Variants in SLC35F4 observed in about 807,000 individuals in gnomAD.
The protein encoded by SLC35F4 is solute carrier family 35 member F4.
SLC35F4 carries 24 observed loss-of-function variants against 44.2 expected under a neutral mutation model. The ratio of observed to expected loss-of-function variants is 0.54; its 90% CI spans 0.39 to 0.76. SLC35F4 has a LOEUF of 0.76. SLC35F4 is among the 30% of genes least tolerant of loss of function. The probability of loss-of-function intolerance (pLI) is 0.00; values close to 1 mark genes in which losing one functional copy is unlikely to be tolerated. For synonymous variants in SLC35F4, 238 were observed against 223.6 expected (o/e 1.06, Z -0.57); for missense variants, 562 against 586.1 (o/e 0.96, Z 0.42).
chr14:57,780,051 C>T (rs530360852), intron 1 of SLC35F4, among the ~76,000 whole-genome samples: 1 of 152,130 alleles, frequency 6.6e-6, no homozygotes, highest in East Asian at 1.9e-4. Flanking sequence ...TCTCACTACT[C>T]CTATTCAACA....
intron 1 of SLC35F4, among the ~76,000 whole-genome samples, chr14:57,604,971 C>G (rs886379081): frequency 6.6e-6 from 1 of 152,098 alleles, no homozygotes; most frequent in African/African-American, 2.4e-5. Flanking sequence ...ATGGATCAAA[C>G]AGTTAAATAT....
intron 2 of SLC35F4, 133 bp downstream of exon 2, chr14:57,593,806 G>T: frequency 1.1e-6 from 1 of 934,122 alleles, no homozygotes; most frequent in Non-Finnish European, 1.6e-6. Context: ...TTATCCTCCG[G>T]CTTGATAAAG....
intron 1 of SLC35F4, among the ~76,000 whole-genome samples, chr14:57,881,532 T>C (rs980577194): frequency 1.3e-5 from 2 of 152,206 alleles, no homozygotes; most frequent in African/African-American, 4.8e-5. Context: ...GGGCTCCATT[T>C]TTTAAAATGG....
At chr14:57,640,410 A>G (rs2073175082) in intron 1 of SLC35F4, among the ~76,000 whole-genome samples, 1 of 152,098 alleles carries the variant, frequency 6.6e-6, no homozygotes, top group Admixed American at 6.6e-5. Context: ...AGCCAAGAGA[A>G]CACATGAGGC....
At chr14:57,717,632 T>C (rs1234932345) in intron 1 of SLC35F4, among the ~76,000 whole-genome samples, 3 of 152,182 alleles carry the variant, frequency 2.0e-5, no homozygotes, top group Non-Finnish European at 2.9e-5. Context: ...CGAGACTCCG[T>C]CTCAAAAAAA....
At chr14:57,883,176 C>T (rs567678613) in intron 1 of SLC35F4, among the ~76,000 whole-genome samples, 5 of 152,092 alleles carry the variant, frequency 3.3e-5, no homozygotes, top group Non-Finnish European at 7.4e-5. Context: ...ATAGATGAGG[C>T]CAACCCCCCA....
At chr14:57,688,103 C>G (rs973170188) in intron 1 of SLC35F4, among the ~76,000 whole-genome samples, 1 of 151,898 alleles carries the variant, frequency 6.6e-6, no homozygotes. Flanking sequence ...TGGAGTAAAG[C>G]CCATTCTTTG....
intron 1 of SLC35F4, among the ~76,000 whole-genome samples, chr14:57,826,687 G>A (rs1883801543): frequency 6.6e-6 from 1 of 151,328 alleles, no homozygotes; most frequent in Non-Finnish European, 1.5e-5. Context: ...CTAGTAAGAA[G>A]TGGGTGAAGG....
At chr14:57,830,859 A>C (rs769389416) in intron 1 of SLC35F4, among the ~76,000 whole-genome samples, 3 of 152,204 alleles carry the variant, frequency 2.0e-5, no homozygotes, top group African/African-American at 4.8e-5. Flanking sequence ...GAGCCAATTT[A>C]TCAGAAATTC....
At chr14:57,573,753 T>C (rs934468219) in intron 4 of SLC35F4, among the ~76,000 whole-genome samples, 4 of 152,192 alleles carry the variant, frequency 2.6e-5, no homozygotes, top group Middle Eastern at 6.3e-3. Flanking sequence ...GATTTGGTTT[T>C]GTGTTTAAAT....
At chr14:57,973,191 C>T (rs544487516), downstream of SLC35F4, among the ~76,000 whole-genome samples, 99 of 152,230 alleles carry the variant, frequency 6.5e-4, no homozygotes, top group Non-Finnish European at 1.2e-3. Flanking sequence ...ATTCTCATTA[C>T]CTGTTGTATG....
chr14:57,734,081 A>G (rs1025260249), intron 1 of SLC35F4, among the ~76,000 whole-genome samples: 2 of 152,166 alleles, frequency 1.3e-5, no homozygotes, highest in Non-Finnish European at 2.9e-5. Flanking sequence ...AAGAATCACT[A>G]AAATTGGGGG....
chr14:57,743,804 A>G (rs2076685682), intron 1 of SLC35F4, among the ~76,000 whole-genome samples: 1 of 152,226 alleles, frequency 6.6e-6, no homozygotes, highest in East Asian at 1.9e-4. Context: ...ATCCCTGATG[A>G]ACATCGATGC....
chr14:57,766,880 A>C (rs543160309), intron 1 of SLC35F4, among the ~76,000 whole-genome samples: 89 of 152,334 alleles, frequency 5.8e-4, no homozygotes, highest in African/African-American at 1.9e-3. Context: ...ACAGAGAGTG[A>C]TAGATTATAT....
intron 1 of SLC35F4, among the ~76,000 whole-genome samples, chr14:57,874,908 C>T (rs968825209): frequency 6.6e-6 from 1 of 151,962 alleles, no homozygotes; most frequent in African/African-American, 2.4e-5. Context: ...CTGGTGTAAT[C>T]AGTAACTGAC....
intron 1 of SLC35F4, among the ~76,000 whole-genome samples, chr14:57,636,895 T>C (rs1390876372): frequency 1.3e-5 from 2 of 152,144 alleles, no homozygotes. Flanking sequence ...TTGTTATTTT[T>C]ACATTATAAA....
chr14:57,650,397 A>G (rs1279079718), intron 1 of SLC35F4, among the ~76,000 whole-genome samples: 1 of 152,108 alleles, frequency 6.6e-6, no homozygotes, highest in Non-Finnish European at 1.5e-5. Flanking sequence ...TTACATCTCA[A>G]CAAATAGCAT....
At position 57,697,699 on chromosome 14, in the gene SLC35F4, TAA is replaced by T. The variant is rs59047946; in HGVS notation, c.104-103577_104-103576del. On this transcript the variant is annotated intron_variant, in intron 1 of 7. Transcript: ENST00000556826. ...CTGGGTGACAGAGTGAGACCCTGTT[TAA>T]AAAAAAAAAAAAAGAAAGAAAATTC... Among the ~76,000 whole-genome samples the T allele has an allele frequency of 3.0e-3, 433 of 143,448 alleles. 1 individual carries two copies. Among genetic ancestry groups the T allele is most frequent in the Middle Eastern group, 7.1e-3 (2 of 282 alleles). 94.1% of individuals were successfully genotyped at this position (143,448 alleles called of 152,430 possible). A position where few individuals can be genotyped will look rare whatever the true frequency, so the allele number is the denominator to read the frequency against.
At chr14:57,966,142 C>G (rs369286075) in intron 1 of SLC35F4, among the ~76,000 whole-genome samples, 1 of 152,182 alleles carries the variant, frequency 6.6e-6, no homozygotes, top group Non-Finnish European at 1.5e-5. Context: ...TAAAGCTTGA[C>G]GACCTCTAAT....
Sources: allele counts gnomAD v4.1 joint callset (sites outside exome capture counted in the v4.1 genomes callset), GRCh38; gene constraint gnomAD v4.1.1; transcripts MANE v1.5; gene names NCBI Gene and HGNC (gene_info 2026-07-23, HGNC 2026-07-21).